DDAH1: variants seen among roughly 807,000 people sequenced by gnomAD.
DDAH1 encodes N(G),N(G)-dimethylarginine dimethylaminohydrolase 1.
In DDAH1, 19 loss-of-function variants were observed where a neutral mutation model predicts 28.8. The observed-to-expected ratio is 0.66, with a 90% CI of 0.46 to 0.97. DDAH1 has a LOEUF of 0.97. Among genes scored for constraint, DDAH1 ranks in the 50% least tolerant of loss-of-function variants. The pLI is 0.00. For missense variants in DDAH1, 326 were observed against 375.9 expected (o/e 0.87, Z 1.10); for synonymous variants, 153 against 154.4 (o/e 0.99, Z 0.07).
chr1:85,396,529 A>G (rs918246441), intron 1 of DDAH1, among the ~76,000 whole-genome samples: 1 of 151,542 alleles, frequency 6.6e-6, no homozygotes, highest in Non-Finnish European at 1.5e-5. Context: ...TGACCCAAAC[A>G]CCTCCCATTA....
chr1:85,548,210 C>T (rs895633665), intron 1 of DDAH1, among the ~76,000 whole-genome samples: 1 of 152,054 alleles, frequency 6.6e-6, no homozygotes, highest in African/African-American at 2.4e-5. Context: ...TTTAATCAAG[C>T]AATAAAAACA....
At chr1:85,329,726 A>G (rs1647648265) in intron 4 of DDAH1, among the ~76,000 whole-genome samples, 1 of 152,258 alleles carries the variant, frequency 6.6e-6, no homozygotes, top group African/African-American at 2.4e-5. Context: ...CAATTAATTT[A>G]TCAAGACTCC....
At chr1:85,479,227 G>T (rs1655911060) in intron 2 of DDAH1, among the ~76,000 whole-genome samples, 1 of 130,920 alleles carries the variant, frequency 7.6e-6, no homozygotes, top group East Asian at 2.3e-4. Flanking sequence ...ACTGCGGACT[G>T]CAGTGGCGCG....
chr1:85,393,437 G>A (rs1269168560), intron 1 of DDAH1, among the ~76,000 whole-genome samples: 5 of 152,154 alleles, frequency 3.3e-5, no homozygotes, highest in African/African-American at 1.2e-4. Context: ...TGAAGACAGT[G>A]ATCCAATTAA....
chr1:85,330,948 T>C (rs1034058444), intron 4 of DDAH1, among the ~76,000 whole-genome samples: 1 of 152,212 alleles, frequency 6.6e-6, no homozygotes, highest in Non-Finnish European at 1.5e-5. Flanking sequence ...ACTTTTATCA[T>C]AGGCAACTCC....
rs989940475 is a variant in DDAH1, at chr1:85,417,016, G to A, written c.303+47727C>T. Among the ~76,000 whole-genome samples, 13 of 152,138 alleles carry A rather than the reference G, an allele frequency of 8.5e-5. No homozygotes were observed. The East Asian group carries it at 9.7e-4, about 11-fold the overall frequency. On this transcript the variant is annotated intron_variant, in intron 1 of 5. Coordinates refer to ENST00000284031, the MANE Select transcript of DDAH1 (RefSeq NM_012137.4). ...CAAGGTTCTCTCAGTGGCTTTTACCGGGTAGTGGTCCTACATATAACATCA... is the reference window on the plus strand; with the variant it reads ...CAAGGTTCTCTCAGTGGCTTTTACCAGGTAGTGGTCCTACATATAACATCA...
At chr1:85,506,768 T>C (rs1657032530) in intron 1 of DDAH1, among the ~76,000 whole-genome samples, 3 of 152,218 alleles carry the variant, frequency 2.0e-5, no homozygotes, top group African/African-American at 7.2e-5. Context: ...AGGGAATGAC[T>C]ACTGATAAAG....
At position 85,397,770 on chromosome 1, in the gene DDAH1, A is replaced by T. The variant is rs1313801853; in HGVS notation, c.304-38923T>A. 1.3e-5 allele frequency among the ~76,000 whole-genome samples: 2 copies of T among 152,182 alleles called. 1 individual carries two copies. The highest frequency in any genetic ancestry group is 4.8e-5 in the African/African-American group (2 of 41,446). On this transcript the variant is annotated intron_variant, in intron 1 of 5. Coordinates refer to ENST00000284031, the MANE Select transcript of DDAH1 (RefSeq NM_012137.4). ...CCTCGCTTCAAGGATTCCCAGTGTG[A>T]TACAGTTTGGATGTTTATCCCCTCT...
At chr1:85,552,880 A>T (rs1658840447) in intron 1 of DDAH1, among the ~76,000 whole-genome samples, 1 of 152,262 alleles carries the variant, frequency 6.6e-6, no homozygotes, top group East Asian at 1.9e-4. Flanking sequence ...GCCTCGCATC[A>T]AGAAATGGAG....
In DDAH1 at chr1:85,356,034, C is replaced by T. The variant is rs115971986; in HGVS notation, c.403+2714G>A. Among the ~76,000 whole-genome samples, 946 of 152,290 alleles carry T rather than the reference C, an allele frequency of 6.2e-3. 9 individuals carry two copies. The highest frequency in any genetic ancestry group is 0.022 in the African/African-American group (917 of 41,562). Reference sequence around the variant, plus strand: ...AACACAAAATTCAAGACAGTGGTTACTTGAGGTCAGGGGAGAGGCTGGTTT... The same window carrying T: ...AACACAAAATTCAAGACAGTGGTTATTTGAGGTCAGGGGAGAGGCTGGTTT... On this transcript the variant is annotated intron_variant, in intron 2 of 5. Transcript: ENST00000284031.
intron 1 of DDAH1, among the ~76,000 whole-genome samples, chr1:85,513,415 C>T (rs1480728043): frequency 2.0e-5 from 3 of 152,134 alleles, no homozygotes; most frequent in African/African-American, 4.8e-5. Context: ...AAAACCTAGG[C>T]AATACCATTC....
At chr1:85,412,014 A>C (rs1652673402) in intron 1 of DDAH1, among the ~76,000 whole-genome samples, 1 of 152,266 alleles carries the variant, frequency 6.6e-6, no homozygotes, top group African/African-American at 2.4e-5. Context: ...CTGATATAGA[A>C]TGTACTTGTG....
chr1:85,322,718 C>T lies in DDAH1; in HGVS notation c.742-1150G>A, dbSNP rs966682552. 2.0e-5 allele frequency among the ~76,000 whole-genome samples: 3 copies of T among 152,216 alleles called. No individual in the cohort carries two copies. In the East Asian group the frequency reaches 5.8e-4, roughly 29 times the overall value. On this transcript the variant is annotated intron_variant, in intron 5 of 5. Coordinates refer to ENST00000284031, the MANE Select transcript of DDAH1 (RefSeq NM_012137.4). ...GTTACAAGGACTGAATAAGATAATA[C>T]ACCTGGGATGCCTGGCACCCTGCCT...
intron 1 of DDAH1, among the ~76,000 whole-genome samples, chr1:85,428,254 C>T (rs1195369849): frequency 1.3e-5 from 2 of 152,192 alleles, no homozygotes; most frequent in Non-Finnish European, 2.9e-5. Context: ...ATACTTGAGA[C>T]TGGGTAATTT....
At chr1:85,388,659 G>C (rs1043525084) in intron 1 of DDAH1, among the ~76,000 whole-genome samples, 4 of 152,100 alleles carry the variant, frequency 2.6e-5, no homozygotes, top group African/African-American at 9.7e-5. Flanking sequence ...TAACAACCCA[G>C]AGCCATCTCC....
In DDAH1 at chr1:85,507,504, C is replaced by CAATAAATAAATAAATAAATA. The variant is rs773565540; in HGVS notation, c.-122-11243_-122-11224dup. On this transcript the variant is annotated intron_variant, in intron 1 of 6. Coordinates refer to the DDAH1 transcript ENST00000426972. ...GGTGAAAAAGTGAGACCCTGCATCA[C>CAATAAATAAATAAATAAATA]AATAAATAAATAAATAAATAAATAA... 5.6e-3 allele frequency among the ~76,000 whole-genome samples: 837 copies of CAATAAATAAATAAATAAATA among 148,558 alleles called. 7 individuals carry two copies. Among genetic ancestry groups the CAATAAATAAATAAATAAATA allele is most frequent in the African/African-American group, 0.019 (761 of 40,094 alleles).
chr1:85,412,984 G>T (rs538302767), intron 1 of DDAH1, among the ~76,000 whole-genome samples: 1 of 152,318 alleles, frequency 6.6e-6, no homozygotes, highest in African/African-American at 2.4e-5. Context: ...CTGGGTGACA[G>T]AGCAAGACCC....
At chr1:85,534,507 G>C (rs1464642499) in intron 1 of DDAH1, among the ~76,000 whole-genome samples, 1 of 152,084 alleles carries the variant, frequency 6.6e-6, no homozygotes, top group East Asian at 1.9e-4. Flanking sequence ...AGAGTGTGTT[G>C]AGTGAGGAAG....
intron 1 of DDAH1, among the ~76,000 whole-genome samples, chr1:85,530,465 C>T (rs1297590602): frequency 6.6e-6 from 1 of 151,524 alleles, no homozygotes; most frequent in African/African-American, 2.4e-5. Context: ...TGCCTCATCA[C>T]TAGAAACAAG....
Sources: allele counts gnomAD v4.1 joint callset (sites outside exome capture counted in the v4.1 genomes callset), GRCh38; gene constraint gnomAD v4.1.1; transcripts MANE v1.5; gene names NCBI Gene and HGNC (gene_info 2026-07-23, HGNC 2026-07-21).